BMP6: variants seen among roughly 807,000 people sequenced by gnomAD.
BMP6 encodes the protein VG-1-R.
In BMP6, 17 loss-of-function variants were observed where a neutral mutation model predicts 54.1. That is an observed-to-expected ratio of 0.31 (90% CI 0.22 to 0.47). BMP6 has a LOEUF of 0.47. BMP6 is among the 20% of genes least tolerant of loss of function. The probability of loss-of-function intolerance (pLI) is 1.00; values close to 1 mark genes in which losing one functional copy is unlikely to be tolerated. For missense variants in BMP6, 720 were observed against 690.4 expected (o/e 1.04, Z -0.48); for synonymous variants, 328 against 291.2 (o/e 1.13, Z -1.28).
chr6:7,855,202 G>T (rs1172358692), intron 2 of BMP6, among the ~76,000 whole-genome samples: 3 of 152,188 alleles, frequency 2.0e-5, no homozygotes, highest in Non-Finnish European at 4.4e-5. Flanking sequence ...CACAAAACAG[G>T]CACAGGTAGT....
Position 7,858,195 on chromosome 6 carries a change from C to T in BMP6, c.858-3256C>T, listed in dbSNP as rs929414092. The stretch of plus-strand genomic sequence containing the variant: ...CTTCCCCGGACTCAGGTGATCCTCT[C>T]GCCTCAGCTTCCCGAGTAGTTGGGA... On this transcript the variant is annotated intron_variant, in intron 2 of 6. Coordinates refer to ENST00000283147, the MANE Select transcript of BMP6 (RefSeq NM_001718.6). Among the ~76,000 whole-genome samples, 7 of 152,280 alleles carry T rather than the reference C, an allele frequency of 4.6e-5. No homozygotes were observed. The South Asian group carries it at 8.3e-4, about 18-fold the overall frequency.
At chr6:7,753,515 C>T (rs967802389) in intron 1 of BMP6, among the ~76,000 whole-genome samples, 4 of 152,164 alleles carry the variant, frequency 2.6e-5, no homozygotes, top group Non-Finnish European at 5.9e-5. Flanking sequence ...TGATCCAACC[C>T]ACAGCCCTCC....
At chr6:7,747,795 C>T (rs144582447) in intron 1 of BMP6, among the ~76,000 whole-genome samples, 5 of 151,916 alleles carry the variant, frequency 3.3e-5, no homozygotes, top group East Asian at 3.9e-4. Context: ...TACAGGCATG[C>T]ACTACCTTGA....
chr6:7,822,107 G>A (rs1386596408), intron 1 of BMP6, among the ~76,000 whole-genome samples: 2 of 151,818 alleles, frequency 1.3e-5, no homozygotes, highest in African/African-American at 2.4e-5. Flanking sequence ...TGCAACCTCC[G>A]CCTCCCAGGT....
chr6:7,836,595 A>T (rs559699607), intron 1 of BMP6, among the ~76,000 whole-genome samples: 1 of 152,310 alleles, frequency 6.6e-6, no homozygotes, highest in East Asian at 1.9e-4. Context: ...GGGCTTCTCT[A>T]CTGTTTTTTC....
At chr6:7,784,007 C>A (rs549414701) in intron 1 of BMP6, among the ~76,000 whole-genome samples, 1 of 152,122 alleles carries the variant, frequency 6.6e-6, no homozygotes, top group Non-Finnish European at 1.5e-5. Context: ...AAGCCATGGC[C>A]GATTTCCCCA....
intron 2 of BMP6, among the ~76,000 whole-genome samples, chr6:7,857,291 C>T (rs927083937): frequency 1.3e-5 from 2 of 152,156 alleles, no homozygotes; most frequent in Non-Finnish European, 2.9e-5. Flanking sequence ...TGTTAAGAAC[C>T]TCATTTGCCC....
At chr6:7,757,900 C>G (rs1003376315) in intron 1 of BMP6, among the ~76,000 whole-genome samples, 1 of 152,166 alleles carries the variant, frequency 6.6e-6, no homozygotes, top group South Asian at 2.1e-4. Context: ...CACTGAATGC[C>G]CTTCGTAGCT....
chr6:7,767,056 G>A (rs1201328050), intron 1 of BMP6, among the ~76,000 whole-genome samples: 3 of 149,610 alleles, frequency 2.0e-5, no homozygotes, highest in Admixed American at 6.7e-5. Context: ...GCGCGATCTC[G>A]GTGCACTGCA....
At chr6:7,754,400 C>T (rs1395847091) in intron 1 of BMP6, among the ~76,000 whole-genome samples, 1 of 152,206 alleles carries the variant, frequency 6.6e-6, no homozygotes, top group East Asian at 1.9e-4. Context: ...TGAGCCACCA[C>T]GCCCAGCCCA....
chr6:7,772,082 CA>C (rs1476216728), intron 1 of BMP6, among the ~76,000 whole-genome samples: 1 of 150,798 alleles, frequency 6.6e-6, no homozygotes, highest in Non-Finnish European at 1.5e-5. Context: ...CAAAAAAAAA[CA>C]AACCCAAAAA....
chr6:7,755,189 G>A (rs1325989062), intron 1 of BMP6, among the ~76,000 whole-genome samples: 3 of 152,158 alleles, frequency 2.0e-5, no homozygotes, highest in South Asian at 4.1e-4. Context: ...TGTGATTATT[G>A]ATGTGTCTGG....
Position 7,809,108 on chromosome 6 carries a change from A to AC in BMP6, c.665-36023dup, listed in dbSNP as rs11365211. On this transcript the variant is annotated intron_variant, in intron 1 of 6. Coordinates refer to ENST00000283147, the MANE Select transcript of BMP6 (RefSeq NM_001718.6). ...TTCCAATGGGCGTATAGTACCCCCC[A>AC]CCCCCCCCCAAAAAAAAAACGCTTT... Among the ~76,000 whole-genome samples the AC allele has an allele frequency of 8.4e-3, 918 of 109,506 alleles. 2 individuals are homozygous for AC. Among genetic ancestry groups the AC allele is most frequent in the Middle Eastern group, 0.022 (5 of 224 alleles). 71.8% of individuals were successfully genotyped at this position (109,506 alleles called of 152,430 possible).
chr6:7,732,354 T>A (rs1761877450), intron 1 of BMP6, among the ~76,000 whole-genome samples: 1 of 152,228 alleles, frequency 6.6e-6, no homozygotes, highest in African/African-American at 2.4e-5. Context: ...AAAGTGTTCT[T>A]AAACTAAGAT....
intron 1 of BMP6, among the ~76,000 whole-genome samples, chr6:7,808,124 G>T (rs578005311): frequency 2.3e-3 from 352 of 152,092 alleles, no homozygotes; most frequent in Middle Eastern, 6.8e-3. Context: ...GTTTCACCGT[G>T]TTAGCCAGGA....
intron 1 of BMP6, among the ~76,000 whole-genome samples, chr6:7,828,119 G>T (rs903854768): frequency 6.6e-6 from 1 of 152,094 alleles, no homozygotes; most frequent in East Asian, 1.9e-4. Context: ...TGAATTTTTT[G>T]TTAGCTTGCT....
At chr6:7,801,306 T>C (rs1417132936) in intron 1 of BMP6, among the ~76,000 whole-genome samples, 1 of 152,200 alleles carries the variant, frequency 6.6e-6, no homozygotes, top group South Asian at 2.1e-4. Flanking sequence ...GCTGATACTA[T>C]TGGACTTCAA....
chr6:7,836,013 G>T (rs530000101), intron 1 of BMP6, among the ~76,000 whole-genome samples: 1 of 151,894 alleles, frequency 6.6e-6, no homozygotes, highest in African/African-American at 2.4e-5. Context: ...ACTAACTTTT[G>T]TATTTTTAAT....
At chr6:7,799,301 C>T (rs1191063383) in intron 1 of BMP6, among the ~76,000 whole-genome samples, 1 of 152,216 alleles carries the variant, frequency 6.6e-6, no homozygotes, top group Non-Finnish European at 1.5e-5. Flanking sequence ...ATGGTCGCCA[C>T]ATCTCAGCCA....
Sources: gnomAD v4.1 joint callset for allele counts (sites outside exome capture counted in the v4.1 genomes callset) on GRCh38, gnomAD v4.1.1 for gene constraint, MANE v1.5 for transcripts, NCBI Gene and HGNC (gene_info 2026-07-23, HGNC 2026-07-21) for gene names.